The following MACF1 variants were observed in gnomAD, a reference collection of about 807,000 sequenced individuals.
MACF1 encodes the protein microtubule actin crosslinking factor 1, also known as microtubule-actin cross-linking factor 1.
A neutral mutation model predicts 854.8 loss-of-function variants in MACF1; 193 were observed. The ratio of observed to expected loss-of-function variants is 0.23; its 90% confidence interval spans 0.20 to 0.25. The LOEUF is 0.25. MACF1 is among the 10% of genes least tolerant of loss of function. The probability of loss-of-function intolerance (pLI) is 1.00; values close to 1 mark genes in which losing one functional copy is unlikely to be tolerated. For synonymous variants in MACF1, 3,185 were observed against 3,226.7 expected (o/e 0.99, Z 0.44); for missense variants, 7,722 against 8,929.1 (o/e 0.86, Z 5.45).
At chr1:39,245,498 T>C (rs909874018) in intron 2 of MACF1, among the ~76,000 whole-genome samples, 5 of 152,102 alleles carry the variant, frequency 3.3e-5, no homozygotes, top group Non-Finnish European at 7.4e-5. Flanking sequence ...AGGCTTGTCT[T>C]AAACTCCCAA....
Position 39,381,454 on chromosome 1 carries a change from C to T in MACF1, c.13649-499C>T, listed in dbSNP as rs115350572. Reference sequence around the variant, plus strand: ...ACAATATAGCTCACTACAGCCTCGACTTCCCTGGCTCAAGCAATCTTCCTG... The same window carrying T: ...ACAATATAGCTCACTACAGCCTCGATTTCCCTGGCTCAAGCAATCTTCCTG... On this transcript the variant is annotated intron_variant, in intron 55 of 100. Transcript: ENST00000564288. 4.5e-3 allele frequency among the ~76,000 whole-genome samples: 679 copies of T among 149,242 alleles called. 4 individuals are homozygous for T. The highest frequency in any genetic ancestry group is 0.016 in the African/African-American group (646 of 40,582).
intron 61 of MACF1, among the ~76,000 whole-genome samples, 183 bp from the exon 62 acceptor site, chr1:39,427,272 A>G (rs1192653522): frequency 1.3e-5 from 2 of 152,194 alleles, no homozygotes; most frequent in African/African-American, 2.4e-5. Flanking sequence ...TTATGACAGA[A>G]TGAGAATAAG....
At position 39,283,548 on chromosome 1, in the gene MACF1, C is replaced by G. The variant is rs762055950; in HGVS notation, c.915+33C>G. 2 of 1,471,600 alleles carry G rather than the reference C, an allele frequency of 1.4e-6. No homozygotes were observed. Among genetic ancestry groups the G allele is most frequent in the Non-Finnish European group, 1.9e-6 (2 of 1,051,276 alleles). The allele number at this position is 1,471,600 out of a possible 1,614,324, so 91.2% of individuals were successfully genotyped here. A position where few individuals can be genotyped will look rare whatever the true frequency, so the allele number is the denominator to read the frequency against. On this transcript the variant is annotated intron_variant, in intron 9 of 100. Transcript: ENST00000564288. The surrounding 1 kb of genome is among the most constrained non-coding windows in gnomAD (Gnocchi z 4.5). ...AACATTTTCCTAGAAGGCCTTCTGA[C>G]TTTGATTCATTTGGGTGAAATGCAT...
Position 39,437,861 on chromosome 1 carries a change from G to A in MACF1, c.18073G>A (p.Val6025Ile), listed in dbSNP as rs150044588. ...TATGCCACCACTGATCCCTGCTGAAGTAGACAAGATCAGAGAGTGCATCAG... is the reference window on the plus strand; with the variant it reads ...TATGCCACCACTGATCCCTGCTGAAATAGACAAGATCAGAGAGTGCATCAG... ...LRMPPLIPAE[V>I]DKIRECISDN... Residue 6025 changes from valine to isoleucine, a missense_variant, in exon 71 of 101, where the codon GTA becomes ATA. Around this residue, in one of 15 missense-constraint regions of MACF1, gnomAD observed 2,807 missense variants for 3,235.8 expected, o/e 0.87. Coordinates refer to ENST00000564288, the MANE Select transcript of MACF1 (RefSeq NM_001394062.1). 5.1e-5 allele frequency: 82 copies of A among 1,614,046 alleles called. No homozygotes were observed. The highest frequency in any genetic ancestry group is 6.9e-5 in the Non-Finnish European group (82 of 1,180,020).
intron 6 of MACF1, among the ~76,000 whole-genome samples, chr1:39,281,945 C>A (rs1311391295): frequency 6.6e-6 from 1 of 152,022 alleles, no homozygotes; most frequent in African/African-American, 2.4e-5. Flanking sequence ...ATGATGATAC[C>A]CAGTTGTAGA....
At chr1:39,251,097 T>C (rs1158264298) in intron 3 of MACF1, among the ~76,000 whole-genome samples, 2 of 152,248 alleles carry the variant, frequency 1.3e-5, no homozygotes, top group African/African-American at 2.4e-5. Context: ...CATTTGATTT[T>C]ACTGCCTAAG....
In MACF1 at chr1:39,463,910, GGA is replaced by G. The variant is rs1557668414; in HGVS notation, c.21753+227_21753+228del. 3.8e-5 allele frequency: 16 copies of G among 419,578 alleles called. No homozygotes were observed. In the South Asian group the frequency reaches 4.5e-4, roughly 12 times the overall value. 26.0% of individuals were successfully genotyped at this position (419,578 alleles called of 1,614,324 possible). A position where few individuals can be genotyped will look rare whatever the true frequency, so the allele number is the denominator to read the frequency against. On this transcript the variant is annotated intron_variant, in intron 94 of 100. Transcript: ENST00000564288. ...TAGTTTGTATTTAAGTTTTAAGATA[GGA>G]GATATTTCAGAGCTGTCACTTCACA...
At chr1:39,424,401 G>A (rs993306876) in intron 61 of MACF1, among the ~76,000 whole-genome samples, 10 of 152,058 alleles carry the variant, frequency 6.6e-5, no homozygotes, top group African/African-American at 2.2e-4. Flanking sequence ...ATAAATTTCC[G>A]AGAGCTGGAA....
intron 2 of MACF1, among the ~76,000 whole-genome samples, chr1:39,102,458 TC>T (rs1437693202): frequency 6.6e-6 from 1 of 150,748 alleles, no homozygotes; most frequent in Non-Finnish European, 1.5e-5. Flanking sequence ...AGGAAGGCTT[TC>T]CCCTGGGGAG....
At chr1:39,170,895 T>C (rs911073348) in intron 2 of MACF1, among the ~76,000 whole-genome samples, 1 of 152,036 alleles carries the variant, frequency 6.6e-6, no homozygotes, top group Non-Finnish European at 1.5e-5. Context: ...GGAATGTTTT[T>C]AAGAGGGATT....
At chr1:39,329,404 TTATTATTTATCCA>T (rs1290693704) in intron 36 of MACF1, among the ~76,000 whole-genome samples, 2 of 152,264 alleles carry the variant, frequency 1.3e-5, no homozygotes, top group African/African-American at 4.8e-5. Context: ...AAGGGTTTCC[TTATTATTTATCCA>T]TATTCATCCC....
chr1:39,349,388 T>G, intron 41 of MACF1, 90 bp from the exon 42 acceptor site: 1 of 1,369,134 alleles, frequency 7.3e-7, no homozygotes. Context: ...CCTTGAGATA[T>G]AACCTTCCTG....
chr1:39,449,454 A>G (rs1028152673), intron 84 of MACF1, among the ~76,000 whole-genome samples: 1 of 152,144 alleles, frequency 6.6e-6, no homozygotes, highest in Non-Finnish European at 1.5e-5. Flanking sequence ...GCTGGAGTGC[A>G]GTGGCGCGAT....
intron 68 of MACF1, among the ~76,000 whole-genome samples, chr1:39,433,696 T>C (rs567807454): frequency 9.2e-5 from 14 of 152,204 alleles, no homozygotes; most frequent in South Asian, 4.1e-4. Flanking sequence ...GGAGACTTTT[T>C]TTTAATCAGA....
At chr1:39,128,524 G>C (rs760857782) in intron 2 of MACF1, among the ~76,000 whole-genome samples, 1 of 151,994 alleles carries the variant, frequency 6.6e-6, no homozygotes, top group Non-Finnish European at 1.5e-5. Flanking sequence ...GTGAAACCTC[G>C]TCTCTACTAA....
At position 39,275,682 on chromosome 1, in the gene MACF1, T is replaced by G. The variant is rs555459483; in HGVS notation, c.529-6526T>G. On this transcript the variant is annotated intron_variant, in intron 6 of 100. Coordinates refer to ENST00000564288, the MANE Select transcript of MACF1 (RefSeq NM_001394062.1). ...CTTTAGAAAGTAGTTTGACAATATT[T>G]TGTAGAGTTGAAAAATGCCCATGTT... Among the ~76,000 whole-genome samples the G allele has an allele frequency of 3.9e-5, 6 of 152,298 alleles. No individual in the cohort carries two copies. In the East Asian group the frequency reaches 1.2e-3, roughly 29 times the overall value.
chr1:39,458,479 G>C lies in MACF1; in HGVS notation c.21185G>C (p.Arg7062Pro). 1 of 1,612,980 alleles carries C rather than the reference G, an allele frequency of 6.2e-7. No homozygotes were observed. Among genetic ancestry groups the C allele is most frequent in the Non-Finnish European group, 8.5e-7 (1 of 1,179,426 alleles). ...CACGCGCCTTTCATAGAGAAATCCCGCAGCGGAGGCAGTATGTTTCCAGCC... is the reference window on the plus strand; with the variant it reads ...CACGCGCCTTTCATAGAGAAATCCCCCAGCGGAGGCAGTATGTTTCCAGCC... ...PTHAPFIEKS[R>P]SGGRKSLSQP... The change falls in exon 90 of 101, where the codon CGC becomes CCC. Residue 7062 changes from arginine (R) to proline (P), a missense_variant. By Grantham distance (103) the Arg-to-Pro change is moderately radical (BLOSUM62 -2). Around this residue, in one of 15 missense-constraint regions of MACF1, gnomAD observed 729 missense variants for 900.5 expected, o/e 0.81. Transcript: ENST00000564288.
At chr1:39,231,282 C>G in intron 2 of MACF1, 39 bp downstream of exon 2, 1 of 1,548,390 alleles carries the variant, frequency 6.5e-7, no homozygotes, top group Non-Finnish European at 8.9e-7. Flanking sequence ...CAGCACCTCT[C>G]ACTGCTCTCA....
intron 1 of MACF1, among the ~76,000 whole-genome samples, chr1:39,224,557 T>C (rs1314573529): frequency 2.0e-5 from 3 of 152,090 alleles, no homozygotes; most frequent in African/African-American, 7.2e-5. Context: ...TTCAGTGAAT[T>C]TGTGGGGCTG....
Sources: gnomAD v4.1 joint callset for allele counts (sites outside exome capture counted in the v4.1 genomes callset) on GRCh38, gnomAD v4.1.1 for gene constraint, gnomAD v4.1.1 regional missense constraint, Gnocchi (gnomAD v3.1) non-coding constraint, MANE v1.5 for transcripts, NCBI Gene and HGNC (gene_info 2026-07-23, HGNC 2026-07-21) for gene names.